Variants in UBE2E2 observed in about 807,000 individuals in gnomAD.
UBE2E2 encodes ubiquitin conjugating enzyme E2 E2, also known as ubiquitin-conjugating enzyme E2 E2.
UBE2E2 carries 6 observed loss-of-function variants against 24.7 expected under a neutral mutation model. That is an observed-to-expected ratio of 0.24 (90% CI 0.13 to 0.48). The LOEUF (loss-of-function observed/expected upper bound fraction) is 0.48, where lower values mean the gene tolerates loss of function less well. Ranked by LOEUF, UBE2E2 falls within the 20% of genes least tolerant of loss-of-function variation. UBE2E2 has a pLI of 0.99. For synonymous variants in UBE2E2, 104 were observed against 83.6 expected (o/e 1.24, Z -1.33); for missense variants, 169 against 245.0 (o/e 0.69, Z 2.07).
At chr3:23,510,389 T>TGGGTGGGAGGCCAAGGTGGG (rs1694568126) in intron 4 of UBE2E2, among the ~76,000 whole-genome samples, 1 of 152,062 alleles carries the variant, frequency 6.6e-6, no homozygotes, top group Non-Finnish European at 1.5e-5. Context: ...GGTGGATCAG[T>TGGGTGGGAGGCCAAGGTGGG]TGAGGTTAGG....
chr3:23,308,739 C>A (rs1699300078), intron 3 of UBE2E2, among the ~76,000 whole-genome samples: 1 of 152,222 alleles, frequency 6.6e-6, no homozygotes, highest in Non-Finnish European at 1.5e-5. Flanking sequence ...AGAATTGATT[C>A]ATGCTATTAC....
chr3:23,289,222 C>T (rs976675759), intron 3 of UBE2E2, among the ~76,000 whole-genome samples: 1 of 152,194 alleles, frequency 6.6e-6, no homozygotes, highest in African/African-American at 2.4e-5. Flanking sequence ...TGAGAGTTAA[C>T]AAATACGGCT....
chr3:23,243,278 C>A (rs35613382), intron 3 of UBE2E2, among the ~76,000 whole-genome samples: 1 of 152,024 alleles, frequency 6.6e-6, no homozygotes, highest in Admixed American at 6.5e-5. Context: ...AATACTACTA[C>A]TAATACCATT....
At chr3:23,232,168 C>T (rs927595801) in intron 3 of UBE2E2, among the ~76,000 whole-genome samples, 5 of 152,200 alleles carry the variant, frequency 3.3e-5, no homozygotes, top group African/African-American at 1.2e-4. Context: ...TTCTGGCAAC[C>T]AGCCTCTATC....
chr3:23,508,574 T>G (rs906367054), intron 4 of UBE2E2, among the ~76,000 whole-genome samples: 3 of 152,240 alleles, frequency 2.0e-5, no homozygotes, highest in Non-Finnish European at 2.9e-5. Flanking sequence ...CTCAACCAAC[T>G]GTACGTTTGC....
intron 5 of UBE2E2, among the ~76,000 whole-genome samples, chr3:23,559,938 A>G (rs1215628313): frequency 1.3e-5 from 2 of 152,148 alleles, no homozygotes; most frequent in Non-Finnish European, 2.9e-5. Context: ...TACCTCATGC[A>G]CATAGTGGGT....
Position 23,319,853 on chromosome 3 carries a change from C to A in UBE2E2, c.227+102541C>A, listed in dbSNP as rs550921714. On this transcript the variant is annotated intron_variant, in intron 3 of 5. Transcript: ENST00000396703. ...ACAAAAAACAAAAAACAAAAAAAAA[C>A]CCAAAAAACCAAAAAACAACTATCC... Among the ~76,000 whole-genome samples, 104 of 151,374 alleles carry A rather than the reference C, an allele frequency of 6.9e-4. 1 individual carries two copies. The South Asian group carries it at 0.01, about 15-fold the overall frequency.
intron 3 of UBE2E2, among the ~76,000 whole-genome samples, chr3:23,306,451 T>G (rs1466331321): frequency 6.6e-6 from 1 of 152,234 alleles, no homozygotes; most frequent in African/African-American, 2.4e-5. Context: ...TCATTGTGTT[T>G]GTAGAAATGG....
intron 3 of UBE2E2, among the ~76,000 whole-genome samples, chr3:23,233,558 C>T (rs1697025295): frequency 6.6e-6 from 1 of 152,064 alleles, no homozygotes; most frequent in Non-Finnish European, 1.5e-5. Context: ...TGGAACAAAA[C>T]CTTATGCATT....
chr3:23,266,913 T>G (rs991703846), intron 3 of UBE2E2, among the ~76,000 whole-genome samples: 1 of 152,016 alleles, frequency 6.6e-6, no homozygotes, highest in Non-Finnish European at 1.5e-5. Flanking sequence ...CTCAAAACCA[T>G]GCAACTACAT....
chr3:23,368,687 TTTG>T (rs978075213), intron 3 of UBE2E2, among the ~76,000 whole-genome samples: 1 of 152,238 alleles, frequency 6.6e-6, no homozygotes, highest in Non-Finnish European at 1.5e-5. Flanking sequence ...TTTTGCTTTT[TTTG>T]TTGAGAGGTA....
At chr3:23,294,717 TAAA>T (rs1272427358) in intron 3 of UBE2E2, among the ~76,000 whole-genome samples, 1 of 147,606 alleles carries the variant, frequency 6.8e-6, no homozygotes, top group African/African-American at 2.4e-5. Context: ...TATTATAAAA[TAAA>T]TAATATATTT....
chr3:23,561,078 T>C (rs1418079943), intron 5 of UBE2E2, among the ~76,000 whole-genome samples: 1 of 152,234 alleles, frequency 6.6e-6, no homozygotes, highest in Non-Finnish European at 1.5e-5. Flanking sequence ...TTTAATTAGA[T>C]CCCATTTGTC....
At chr3:23,271,716 A>AC (rs763948108) in intron 3 of UBE2E2, among the ~76,000 whole-genome samples, 34 of 152,176 alleles carry the variant, frequency 2.2e-4, no homozygotes, top group Non-Finnish European at 3.1e-4. Flanking sequence ...GATTAACTAG[A>AC]CACAGAGCAC....
chr3:23,513,691 C>G (rs1215781116), intron 4 of UBE2E2, among the ~76,000 whole-genome samples: 1 of 152,206 alleles, frequency 6.6e-6, no homozygotes, highest in Non-Finnish European at 1.5e-5. Flanking sequence ...ACACCTGCCT[C>G]TTTTCCTACA....
chr3:23,403,180 G>C (rs1454218996), intron 3 of UBE2E2, among the ~76,000 whole-genome samples: 2 of 152,186 alleles, frequency 1.3e-5, no homozygotes, highest in Non-Finnish European at 2.9e-5. Context: ...TTTTTGCACA[G>C]TTACCACTAG....
At chr3:23,338,808 G>A (rs773202337) in intron 3 of UBE2E2, among the ~76,000 whole-genome samples, 3 of 152,104 alleles carry the variant, frequency 2.0e-5, no homozygotes, top group Non-Finnish European at 2.9e-5. Context: ...ACGGGAGAAA[G>A]GAACACACTT....
intron 3 of UBE2E2, among the ~76,000 whole-genome samples, chr3:23,469,306 T>C (rs76878730): frequency 9.6e-4 from 146 of 152,336 alleles, no homozygotes; most frequent in African/African-American, 3.0e-3. Flanking sequence ...TCCAACATTC[T>C]ACATCAGTCA....
chr3:23,399,442 G>T (rs1697163864), intron 3 of UBE2E2, among the ~76,000 whole-genome samples: 1 of 152,182 alleles, frequency 6.6e-6, no homozygotes, highest in Non-Finnish European at 1.5e-5. Flanking sequence ...TTTACGTCCT[G>T]TATGGGCTGG....
Sources: gnomAD v4.1 joint callset for allele counts (sites outside exome capture counted in the v4.1 genomes callset) on GRCh38, gnomAD v4.1.1 for gene constraint, MANE v1.5 for transcripts, NCBI Gene and HGNC (gene_info 2026-07-23, HGNC 2026-07-21) for gene names.